The following RBX1 variants were observed in gnomAD, a reference collection of about 807,000 sequenced individuals.
The protein encoded by RBX1 is ring-box 1, also known as E3 ubiquitin-protein ligase RBX1.
For synonymous variants in RBX1, 48 were observed against 47.9 expected (o/e 1.00, Z -0.01); for missense variants, 46 against 141.4 (o/e 0.33, Z 3.42).
At chr22:40,962,147 T>G (rs184063733) in intron 2 of RBX1, among the ~76,000 whole-genome samples, 21 of 152,120 alleles carry the variant, frequency 1.4e-4, no homozygotes, top group Admixed American at 1.0e-3. Flanking sequence ...TTGCCCAGGC[T>G]GGAGTACAGT....
chr22:40,963,124 G>A (rs1210699132), intron 2 of RBX1, among the ~76,000 whole-genome samples: 1 of 151,932 alleles, frequency 6.6e-6, no homozygotes. Flanking sequence ...ACAGGTGTGA[G>A]CCACCACGCC....
intron 1 of RBX1, 66 bp downstream of exon 1, chr22:40,951,542 G>A (rs2058310343): frequency 6.8e-7 from 1 of 1,478,248 alleles, no homozygotes; most frequent in Admixed American, 1.9e-5. Context: ...GCAGGCCCGA[G>A]GATGGTCGAG....
chr22:40,962,002 C>T (rs1569044070), intron 2 of RBX1, among the ~76,000 whole-genome samples: 1 of 152,148 alleles, frequency 6.6e-6, no homozygotes, highest in Non-Finnish European at 1.5e-5. Context: ...CCAGGCTGGT[C>T]TCGAACCCTG....
In RBX1 at chr22:40,972,462, A is replaced by C; in HGVS notation, c.315-14A>C. The C allele has an allele frequency of 6.2e-7, 1 of 1,602,248 alleles. No homozygotes were observed. The highest frequency in any genetic ancestry group is 8.5e-7 in the Non-Finnish European group (1 of 1,169,858). ...ATCTTGGAATTAATCAGAGTAATTT[A>C]CTTTGTCTTTCAGGTATGGGCACTA... On this transcript the variant is annotated splice_polypyrimidine_tract_variant and intron_variant, in intron 4 of 4. Coordinates refer to ENST00000216225, the MANE Select transcript of RBX1 (RefSeq NM_014248.4).
chr22:40,958,292 C>G (rs2058330966), intron 2 of RBX1, among the ~76,000 whole-genome samples: 1 of 148,712 alleles, frequency 6.7e-6, no homozygotes, highest in Non-Finnish European at 1.5e-5. Flanking sequence ...GAGGAGAAGT[C>G]TGAGTGCCAT....
chr22:40,958,461 A>G (rs1972104649), intron 2 of RBX1, among the ~76,000 whole-genome samples: 1 of 152,210 alleles, frequency 6.6e-6, no homozygotes, highest in South Asian at 2.1e-4. Flanking sequence ...CTGACCTTAA[A>G]TGAGTAATTA....
chr22:40,961,911 A>G (rs928122375), intron 2 of RBX1, among the ~76,000 whole-genome samples: 2 of 151,672 alleles, frequency 1.3e-5, no homozygotes, highest in African/African-American at 4.9e-5. Flanking sequence ...CAGCCTCCTG[A>G]GTAGCTGGGA....
rs138663130 is a variant in RBX1 at position 40,970,098 on chromosome 22, G to C, written c.314+2214G>C. ...AGCCCAGGTGTAGTTGCTCACACCT[G>C]TCATCCTAGCACTTTAGGAGGCTGA... On this transcript the variant is annotated intron_variant, in intron 4 of 4. Transcript: ENST00000216225. Among the ~76,000 whole-genome samples the C allele has an allele frequency of 1.7e-3, 250 of 148,970 alleles. 1 individual carries two copies. The highest frequency in any genetic ancestry group is 5.9e-3 in the African/African-American group (241 of 40,554).
rs986933955 is a variant in RBX1, at chr22:40,959,444, T to C, written c.158-4603T>C. ...TAATCATTTTCCCTGCTATATCCCT[T>C]CTTATTTGGTACTCTAGATTGCAGT... On this transcript the variant is annotated intron_variant, in intron 2 of 4. Transcript: ENST00000216225. Among the ~76,000 whole-genome samples the C allele has an allele frequency of 2.6e-5, 4 of 152,338 alleles. No individual in the cohort carries two copies. In the East Asian group the frequency reaches 7.7e-4, roughly 29 times the overall value.
chr22:40,967,568 T>C, intron 3 of RBX1: 3 of 429,044 alleles, frequency 7.0e-6, no homozygotes, highest in Non-Finnish European at 1.3e-5. Context: ...ACTCCTGTGC[T>C]TCCTGAATGA....
intron 2 of RBX1, among the ~76,000 whole-genome samples, chr22:40,953,885 C>T (rs754385964): frequency 1.9e-4 from 29 of 152,180 alleles, no homozygotes; most frequent in East Asian, 3.9e-4. Flanking sequence ...TAATTGTGGA[C>T]GACAGGCACT....
At chr22:40,969,888 C>CAA (rs566980497) in intron 4 of RBX1, among the ~76,000 whole-genome samples, 1 of 125,706 alleles carries the variant, frequency 8.0e-6, no homozygotes, top group Non-Finnish European at 1.7e-5. Context: ...GACCCTATCT[C>CAA]AAAAAAAAAA....
intron 3 of RBX1, 120 bp downstream of exon 3, chr22:40,964,237 A>G: frequency 1.4e-6 from 1 of 690,252 alleles, no homozygotes; most frequent in Non-Finnish European, 2.5e-6. Context: ...CCCAAAAGGT[A>G]TACAAATAGT....
chr22:40,970,195 A>C (rs1176057402), intron 4 of RBX1, among the ~76,000 whole-genome samples: 1 of 151,908 alleles, frequency 6.6e-6, no homozygotes. Context: ...CTCTCTACTA[A>C]AAATACAAAA....
At chr22:40,970,906 G>C (rs548636535) in intron 4 of RBX1, among the ~76,000 whole-genome samples, 2 of 152,332 alleles carry the variant, frequency 1.3e-5, no homozygotes, top group South Asian at 4.1e-4. Context: ...CAGTATCTGA[G>C]TGGTACTGTT....
intron 4 of RBX1, among the ~76,000 whole-genome samples, chr22:40,968,769 T>C (rs1306927701): frequency 6.6e-6 from 1 of 152,066 alleles, no homozygotes. Context: ...CTATCTCTTA[T>C]ATGTCCCGGT....
At chr22:40,966,879 C>G (rs566490101) in intron 3 of RBX1, 2 of 152,278 alleles carry the variant, frequency 1.3e-5, no homozygotes, top group East Asian at 3.9e-4. Flanking sequence ...TGTCCTAATA[C>G]GCACATGAGC....
At chr22:40,967,541 G>C (rs529079609) in intron 3 of RBX1, 1 of 313,130 alleles carries the variant, frequency 3.2e-6, no homozygotes, top group South Asian at 5.2e-5. Flanking sequence ...ATAGAAGAGA[G>C]CTCAGTGCTG....
intron 2 of RBX1, among the ~76,000 whole-genome samples, chr22:40,955,152 C>G (rs1034103009): frequency 6.6e-6 from 1 of 152,102 alleles, no homozygotes; most frequent in East Asian, 1.9e-4. Flanking sequence ...TCTTTTTTGC[C>G]TAGAATATTC....
Sources: gnomAD v4.1 joint callset for allele counts (sites outside exome capture counted in the v4.1 genomes callset) on GRCh38, gnomAD v4.1.1 for gene constraint, MANE v1.5 for transcripts, NCBI Gene and HGNC (gene_info 2026-07-23, HGNC 2026-07-21) for gene names.